The following SOX5 variants were observed in gnomAD, a reference collection of about 807,000 sequenced individuals.
The protein encoded by SOX5 is transcription factor SOX-5.
A neutral mutation model predicts 92.0 loss-of-function variants in SOX5; 9 were observed. The observed-to-expected ratio is 0.10, with a 90% CI of 0.06 to 0.17. The LOEUF (loss-of-function observed/expected upper bound fraction) is 0.17, where lower values mean the gene tolerates loss of function less well. Among genes scored for constraint, SOX5 ranks in the 10% least tolerant of loss-of-function variants. The pLI is 1.00. For missense variants in SOX5, 642 were observed against 944.5 expected (o/e 0.68, Z 4.20); for synonymous variants, 344 against 336.3 (o/e 1.02, Z -0.25).
At chr12:24,349,771 C>T (rs1953833790) in intron 2 of SOX5, among the ~76,000 whole-genome samples, 3 of 152,118 alleles carry the variant, frequency 2.0e-5, no homozygotes, top group Non-Finnish European at 4.4e-5. Context: ...TGAAACCTTG[C>T]TTTCAATTCT....
intron 1 of SOX5, among the ~76,000 whole-genome samples, chr12:24,411,970 T>C (rs541941288): frequency 6.6e-6 from 1 of 152,314 alleles, no homozygotes; most frequent in African/African-American, 2.4e-5. Flanking sequence ...GTAAGGCTAT[T>C]AAAATTATCT....
At chr12:24,482,066 CAGCCAGT>C (rs1946055598) in intron 1 of SOX5, among the ~76,000 whole-genome samples, 1 of 152,132 alleles carries the variant, frequency 6.6e-6, no homozygotes, top group South Asian at 2.1e-4. Flanking sequence ...TCTTTAATTT[CAGCCAGT>C]AGAGGGAAAT....
intron 8 of SOX5, among the ~76,000 whole-genome samples, chr12:23,610,217 T>C (rs1223425000): frequency 1.3e-5 from 2 of 152,182 alleles, no homozygotes; most frequent in Non-Finnish European, 2.9e-5. Context: ...AATCAGCTTA[T>C]TTAAATTCTA....
At chr12:23,998,902 A>G (rs914232029) in intron 4 of SOX5, among the ~76,000 whole-genome samples, 4 of 152,036 alleles carry the variant, frequency 2.6e-5, no homozygotes, top group Admixed American at 2.6e-4. Context: ...TAAATATATA[A>G]TCAAGAAGCT....
intron 1 of SOX5, among the ~76,000 whole-genome samples, chr12:24,509,779 G>C (rs576207635): frequency 5.9e-5 from 9 of 152,274 alleles, no homozygotes; most frequent in African/African-American, 2.2e-4. Flanking sequence ...CCAGTAACTA[G>C]AAAATTAGTT....
intron 8 of SOX5, among the ~76,000 whole-genome samples, chr12:23,621,318 A>G (rs2077152953): frequency 6.6e-6 from 1 of 152,100 alleles, no homozygotes; most frequent in Non-Finnish European, 1.5e-5. Flanking sequence ...ATAGGAAATA[A>G]TTGATAAATA....
chr12:23,752,887 C>G (rs541530892), intron 4 of SOX5, among the ~76,000 whole-genome samples: 2 of 151,772 alleles, frequency 1.3e-5, no homozygotes, highest in Non-Finnish European at 2.9e-5. Flanking sequence ...ATCGAGTGTC[C>G]TTTTTACATG....
At chr12:24,434,581 T>C (rs773370893) in intron 1 of SOX5, among the ~76,000 whole-genome samples, 8 of 152,174 alleles carry the variant, frequency 5.3e-5, no homozygotes, top group Non-Finnish European at 1.2e-4. Context: ...AGGTAGGGCC[T>C]GGTGGGAGGT....
At chr12:23,814,210 A>G (rs1176655934) in intron 3 of SOX5, among the ~76,000 whole-genome samples, 1 of 152,216 alleles carries the variant, frequency 6.6e-6, no homozygotes, top group Non-Finnish European at 1.5e-5. Context: ...TCCCCTGTGG[A>G]ATTAAAAATG....
intron 1 of SOX5, among the ~76,000 whole-genome samples, chr12:24,551,767 C>T (rs1953200344): frequency 6.6e-6 from 1 of 152,184 alleles, no homozygotes; most frequent in South Asian, 2.1e-4. Context: ...CTAATTAAAA[C>T]CCTGTCCTCG....
intron 4 of SOX5, among the ~76,000 whole-genome samples, chr12:24,047,677 A>C (rs948672870): frequency 3.3e-5 from 5 of 152,194 alleles, no homozygotes; most frequent in African/African-American, 1.2e-4. Flanking sequence ...TTATGCAAAT[A>C]CCTCGGCTTT....
At chr12:24,524,342 T>TCTAC (rs1950509623) in intron 1 of SOX5, among the ~76,000 whole-genome samples, 1 of 64,984 alleles carries the variant, frequency 1.5e-5, no homozygotes, top group Non-Finnish European at 5.0e-5. Context: ...TCCCCTCCCA[T>TCTAC]CTATCTATCT....
intron 1 of SOX5, among the ~76,000 whole-genome samples, chr12:24,545,829 G>A (rs929148764): frequency 1.3e-5 from 2 of 152,068 alleles, no homozygotes; most frequent in African/African-American, 4.8e-5. Context: ...ATCCCACCCC[G>A]ATGTTCAGTT....
chr12:24,382,511 G>T (rs540889758), intron 1 of SOX5, among the ~76,000 whole-genome samples: 1 of 152,116 alleles, frequency 6.6e-6, no homozygotes, highest in Non-Finnish European at 1.5e-5. Context: ...CTCCTCAAGG[G>T]TCATAGTAAG....
intron 4 of SOX5, among the ~76,000 whole-genome samples, chr12:24,192,007 A>G (rs1956575084): frequency 6.6e-6 from 1 of 152,338 alleles, no homozygotes; most frequent in Non-Finnish European, 1.5e-5. Context: ...TGAAAGACAA[A>G]TTATTAGTGA....
At chr12:23,883,362 C>T (rs2137202140) in intron 2 of SOX5, among the ~76,000 whole-genome samples, 1 of 152,110 alleles carries the variant, frequency 6.6e-6, no homozygotes, top group Middle Eastern at 3.4e-3. Flanking sequence ...GAGTAATATT[C>T]ATTTAGGTTA....
intron 6 of SOX5, among the ~76,000 whole-genome samples, chr12:23,725,458 G>A (rs1452376963): frequency 6.6e-6 from 1 of 152,138 alleles, no homozygotes; most frequent in African/African-American, 2.4e-5. Flanking sequence ...CATGAGAACA[G>A]CATGGGAAAG....
intron 11 of SOX5, among the ~76,000 whole-genome samples, chr12:23,559,192 T>C (rs1592063178): frequency 1.3e-5 from 2 of 152,184 alleles, no homozygotes; most frequent in Non-Finnish European, 2.9e-5. Context: ...CTTGACTCTA[T>C]GAACAAAGTT....
At chr12:23,652,635 T>TA (rs2081750016) in intron 7 of SOX5, among the ~76,000 whole-genome samples, 1 of 151,880 alleles carries the variant, frequency 6.6e-6, no homozygotes, top group Admixed American at 6.6e-5. Flanking sequence ...CTGGTGTTCT[T>TA]ATAACACTTA....
Sources: gnomAD v4.1 joint callset for allele counts (sites outside exome capture counted in the v4.1 genomes callset) on GRCh38, gnomAD v4.1.1 for gene constraint, MANE v1.5 for transcripts, NCBI Gene and HGNC (gene_info 2026-07-23, HGNC 2026-07-21) for gene names.